SCYL1: variants seen among roughly 807,000 people sequenced by gnomAD.
SCYL1 encodes the protein SCY1 like pseudokinase 1, also known as N-terminal kinase-like protein.
A neutral mutation model predicts 94.8 loss-of-function variants in SCYL1; 85 were observed. The ratio of observed to expected loss-of-function variants is 0.90; its 90% CI spans 0.75 to 1.07. The LOEUF (loss-of-function observed/expected upper bound fraction) is 1.07, where lower values mean the gene tolerates loss of function less well. Ranked by LOEUF, SCYL1 falls within the 50% of genes least tolerant of loss-of-function variation. SCYL1 has a pLI of 0.00. For synonymous variants in SCYL1, 459 were observed against 435.5 expected (o/e 1.05, Z -0.67); for missense variants, 968 against 1,083.3 (o/e 0.89, Z 1.49).
At chr11:65,528,340 G>T (rs561436624) in intron 6 of SCYL1, among the ~76,000 whole-genome samples, 2 of 152,264 alleles carry the variant, frequency 1.3e-5, no homozygotes, top group Admixed American at 6.5e-5. Flanking sequence ...ACTCAGGAAG[G>T]CTGGGGCAGG....
chr11:65,533,658 T>C (rs1855502985), intron 9 of SCYL1, among the ~76,000 whole-genome samples: 1 of 152,102 alleles, frequency 6.6e-6, no homozygotes, highest in Non-Finnish European at 1.5e-5. Context: ...TGCACGCCTA[T>C]AGTCCCAGCT....
At chr11:65,531,456 G>GCC (rs896574076) in intron 7 of SCYL1, 120 bp from the exon 8 acceptor site, 1 of 718,968 alleles carries the variant, frequency 1.4e-6, no homozygotes. Context: ...GGAAATGCCT[G>GCC]CCCCCCCCTC....
At chr11:65,528,779 A>G (rs1445790626) in intron 6 of SCYL1, among the ~76,000 whole-genome samples, 2 of 152,140 alleles carry the variant, frequency 1.3e-5, no homozygotes, top group African/African-American at 4.8e-5. Flanking sequence ...AAGAAAAGAA[A>G]AATCCAGTGC....
At chr11:65,532,840 G>A in intron 9 of SCYL1, 35 bp downstream of exon 9, 2 of 1,538,210 alleles carry the variant, frequency 1.3e-6, no homozygotes, top group Non-Finnish European at 1.8e-6. Context: ...GCTACCCCTG[G>A]TTTTCCAAGG....
Position 65,538,300 on chromosome 11 carries a change from T to A in SCYL1, c.2278T>A (p.Trp760Arg). 6.4e-7 allele frequency: 1 copy of A among 1,551,544 alleles called. No homozygotes were observed. The highest frequency in any genetic ancestry group is 1.2e-5 in the South Asian group (1 of 84,048). Reference protein sequence around the residue: ...PRPDSWGEDNWEGLETDSRQV... With the variant: ...PRPDSWGEDNREGLETDSRQV... Reference sequence around the variant, plus strand: ...GCCAGACTCTTGGGGTGAGGACAACTGGGAGGGCCTCGAGACTGACAGTCG... The same window carrying A: ...GCCAGACTCTTGGGGTGAGGACAACAGGGAGGGCCTCGAGACTGACAGTCG... The change falls in exon 17 of 18, where the codon TGG (tryptophan) becomes AGG (arginine). Residue 760 changes from tryptophan (W) to arginine (R), a missense_variant. Physicochemically the swap from Trp to Arg is moderately radical, Grantham distance 101. Transcript: ENST00000270176.
chr11:65,536,463 G>C, intron 12 of SCYL1, 123 bp from the exon 13 acceptor site: 1 of 1,419,476 alleles, frequency 7.0e-7, no homozygotes, highest in Non-Finnish European at 9.8e-7. Context: ...CCCCTTCACA[G>C]ATGGGAGAAA....
chr11:65,536,994 G>T lies in SCYL1; in HGVS notation c.1825G>T (p.Ala609Ser). The T allele has an allele frequency of 6.2e-7, 1 of 1,610,640 alleles. No homozygotes were observed. The highest frequency in any genetic ancestry group is 8.5e-7 in the Non-Finnish European group (1 of 1,177,740). Residue 609 changes from alanine (A) to serine (S), a missense_variant, in exon 14 of 18, where the codon GCC becomes TCC. By Grantham distance (99) the Ala-to-Ser change is moderately conservative (BLOSUM62 1). Around this residue, in one of 2 missense-constraint regions of SCYL1, gnomAD observed 474 missense variants for 463.6 expected, o/e 1.02. Transcript: ENST00000270176. ...GAGCCTCTGCTCCCCAGGAGTTCCT[G>T]CCCCAGCCCCCACCCCTGTTCCTGC... ...PQRPTPEGVPAPAPTPVPATP... is the reference protein window; with the variant it reads ...PQRPTPEGVPSPAPTPVPATP...
rs774215524 is a variant in SCYL1, at chr11:65,527,076, A to T, written c.808A>T (p.Asn270Tyr). ...NCRAPGGFMS[N>Y]RFVETNLFLE... The stretch of plus-strand genomic sequence containing the variant: ...CCGGGCACCTGGTGGCTTCATGAGC[A>T]ACCGCTTTGTAGAAACCAACCTCTT... Residue 270 changes from asparagine (N) to tyrosine (Y), a missense_variant, in exon 6 of 18, where the codon AAC (asparagine) becomes TAC (tyrosine). Asn to Tyr is a moderately radical substitution (Grantham distance 143). Around this residue, in one of 2 missense-constraint regions of SCYL1, gnomAD observed 494 missense variants for 619.7 expected, o/e 0.80. Transcript: ENST00000270176. 1 of 1,613,488 alleles carries T rather than the reference A, an allele frequency of 6.2e-7. No individual in the cohort carries two copies. The highest frequency in any genetic ancestry group is 1.3e-5 in the African/African-American group (1 of 74,904).
At chr11:65,536,803 G>A in intron 13 of SCYL1, 53 bp downstream of exon 13, 1 of 1,542,004 alleles carries the variant, frequency 6.5e-7, no homozygotes, top group Non-Finnish European at 8.8e-7. Flanking sequence ...AGAGCTGCAG[G>A]CACCCAGGAA....
chr11:65,530,191 C>T (rs548819997), intron 6 of SCYL1, among the ~76,000 whole-genome samples: 1 of 152,206 alleles, frequency 6.6e-6, no homozygotes, highest in Non-Finnish European at 1.5e-5. Flanking sequence ...CCAAGTAAGC[C>T]CCTTCACCTC....
chr11:65,537,031 C>T lies in SCYL1; in HGVS notation c.1862C>T (p.Thr621Ile), dbSNP rs1855696743. 2 of 1,608,774 alleles carry T rather than the reference C, an allele frequency of 1.2e-6. No individual in the cohort carries two copies. The highest frequency in any genetic ancestry group is 1.3e-5 in the African/African-American group (1 of 74,820). The part of the protein sequence containing the change: ...APTPVPATPT[T>I]SGHWETQEED... ...ACCCCTGTTCCTGCCACCCCTACAA[C>T]CTCAGGCCACTGGGAGACGCAGGAG... is the stretch of plus-strand genomic sequence containing the variant. Residue 621 changes from threonine (T) to isoleucine (I), a missense_variant, in exon 14 of 18, where the codon ACC becomes ATC. By Grantham distance (89) the Thr-to-Ile change is moderately conservative (BLOSUM62 -1). Around this residue, in one of 2 missense-constraint regions of SCYL1, gnomAD observed 474 missense variants for 463.6 expected, o/e 1.02. Transcript: ENST00000270176.
At chr11:65,534,555 T>G (rs1423059057) in intron 9 of SCYL1, among the ~76,000 whole-genome samples, 1 of 152,158 alleles carries the variant, frequency 6.6e-6, no homozygotes, top group Non-Finnish European at 1.5e-5. Flanking sequence ...TGGATGGAGA[T>G]GTCGAGTTGG....
At position 65,537,838 on chromosome 11, in the gene SCYL1, G is replaced by T. The variant is rs56076708; in HGVS notation, c.1989G>T (p.Gln663His). 5.6e-3 allele frequency: 8,819 copies of T among 1,572,302 alleles called. 43 individuals carry two copies. The highest frequency in any genetic ancestry group is 7.0e-3 in the Non-Finnish European group (8,129 of 1,158,380). ...EQEAESVLAQ[Q>H]DDWSTGGQVS... ...AGGCCGAGTCTGTGCTGGCCCAGCA[G>T]GACGACTGGAGCACCGGGGGCCAAG... Residue 663 changes from glutamine (Q) to histidine (H), a missense_variant, in exon 15 of 18, where the codon CAG becomes CAT. Gln to His is a conservative substitution (Grantham distance 24). Around this residue, in one of 2 missense-constraint regions of SCYL1, gnomAD observed 474 missense variants for 463.6 expected, o/e 1.02. Transcript: ENST00000270176.
rs1163619216 is a variant in SCYL1 at position 65,538,166 on chromosome 11, C to T, written c.2231C>T (p.Ala744Val). 6.3e-7 allele frequency: 1 copy of T among 1,588,060 alleles called. No individual in the cohort carries two copies. The highest frequency in any genetic ancestry group is 8.6e-7 in the Non-Finnish European group (1 of 1,167,194). The change falls in exon 16 of 18, where the codon GCA becomes GTA. Residue 744 changes from alanine to valine, a missense_variant. This residue lies in a region of SCYL1 where 474 missense variants were observed against 463.6 expected (regional missense o/e 1.02). Transcript: ENST00000270176. ...DKGDPFATLSARPSTQPRPDS... is the reference protein window; with the variant it reads ...DKGDPFATLSVRPSTQPRPDS... The stretch of plus-strand genomic sequence containing the variant: ...GGCGACCCCTTCGCTACCCTGTCTG[C>T]ACGTCCCAGCACCCAGGTACCCAGC...
chr11:65,537,229 T>C (rs933683830), intron 14 of SCYL1, 101 bp downstream of exon 14: 2 of 1,299,552 alleles, frequency 1.5e-6, no homozygotes, highest in African/African-American at 2.9e-5. Flanking sequence ...TGGCCTGTCC[T>C]CATCAGCACA....
Position 65,530,616 on chromosome 11 carries a change from C to G in SCYL1, c.850-13C>G. ...GCTGATCTCTTCCCCGGGTCCCGTC[C>G]TCACTCCCCCAGATCAAAGAGCCAG... On this transcript the variant is annotated splice_polypyrimidine_tract_variant and intron_variant, in intron 6 of 17. Transcript: ENST00000270176. 5 of 1,609,176 alleles carry G rather than the reference C, an allele frequency of 3.1e-6. No individual in the cohort carries two copies. Among genetic ancestry groups the G allele is most frequent in the Admixed American group, 1.7e-5 (1 of 59,412 alleles).
At chr11:65,531,243 A>C (rs1184689680) in intron 7 of SCYL1, among the ~76,000 whole-genome samples, 2 of 152,226 alleles carry the variant, frequency 1.3e-5, no homozygotes, top group Non-Finnish European at 2.9e-5. Flanking sequence ...CATCTGAAAG[A>C]CTTGTCAGGA....
At chr11:65,535,649 C>A in intron 10 of SCYL1, 1 of 591,174 alleles carries the variant, frequency 1.7e-6, no homozygotes, top group Non-Finnish European at 2.9e-6. Flanking sequence ...CAGTTGCTTG[C>A]CGTGCCCAGA....
At position 65,531,664 on chromosome 11, in the gene SCYL1, G is replaced by A. The variant is rs764376000; in HGVS notation, c.1097G>A (p.Arg366His). The A allele has an allele frequency of 8.5e-5, 137 of 1,613,210 alleles. No individual in the cohort carries two copies. The highest frequency in any genetic ancestry group is 1.1e-4 in the Non-Finnish European group (127 of 1,179,280). ...KMFSSTDRAM[R>H]IRLLQQMEQF... is the part of the protein sequence containing the mutation. ...TTCTCATCCACTGACCGGGCCATGC[G>A]CATCCGCCTCCTGCAGCAGGTGAGG... The change falls in exon 8 of 18, where the codon CGC (arginine) becomes CAC (histidine). Residue 366 changes from arginine to histidine, a missense_variant. Physicochemically the swap from Arg to His is conservative, Grantham distance 29 (BLOSUM62 0). Around this residue, in one of 2 missense-constraint regions of SCYL1, gnomAD observed 494 missense variants for 619.7 expected, o/e 0.80. Transcript: ENST00000270176.
Sources: gnomAD v4.1 joint callset for allele counts (sites outside exome capture counted in the v4.1 genomes callset) on GRCh38, gnomAD v4.1.1 for gene constraint, gnomAD v4.1.1 regional missense constraint, MANE v1.5 for transcripts, NCBI Gene and HGNC (gene_info 2026-07-23, HGNC 2026-07-21) for gene names.